ARHGAP15: variants seen among roughly 807,000 people sequenced by gnomAD.
ARHGAP15 encodes the protein Rho GTPase activating protein 15.
Under a neutral mutation model 63.7 loss-of-function variants are expected in ARHGAP15, and 51 were observed. The observed-to-expected ratio is 0.80, with a 90% CI of 0.64 to 1.01. The LOEUF is 1.01. Ranked by LOEUF, ARHGAP15 falls within the 50% of genes least tolerant of loss-of-function variation. The probability of loss-of-function intolerance (pLI) is 0.00; values close to 1 mark genes in which losing one functional copy is unlikely to be tolerated. For missense variants in ARHGAP15, 560 were observed against 564.6 expected (o/e 0.99, Z 0.08); for synonymous variants, 191 against 193.8 (o/e 0.99, Z 0.12).
chr2:143,240,436 T>A (rs537893813), intron 5 of ARHGAP15, among the ~76,000 whole-genome samples: 1 of 152,256 alleles, frequency 6.6e-6, no homozygotes, highest in Admixed American at 6.5e-5. Flanking sequence ...GCAAAATGAA[T>A]ATGGAATGAT....
intron 6 of ARHGAP15, among the ~76,000 whole-genome samples, chr2:143,433,840 A>G (rs530383099): frequency 1.3e-5 from 2 of 152,262 alleles, no homozygotes; most frequent in East Asian, 3.8e-4. Flanking sequence ...TGTGTATGTT[A>G]ACAAATTATG....
intron 1 of ARHGAP15, among the ~76,000 whole-genome samples, chr2:143,145,928 T>C (rs868072139): frequency 6.6e-6 from 1 of 151,232 alleles, no homozygotes; most frequent in African/African-American, 2.4e-5. Flanking sequence ...ATGGAATATA[T>C]ATATATCTCA....
intron 6 of ARHGAP15, among the ~76,000 whole-genome samples, chr2:143,419,150 G>A (rs1195911819): frequency 3.3e-5 from 5 of 150,624 alleles, no homozygotes; most frequent in African/African-American, 4.9e-5. Flanking sequence ...GAAATTCTAA[G>A]AAAAAAAAAC....
intron 4 of ARHGAP15, among the ~76,000 whole-genome samples, chr2:143,225,675 G>A (rs1693183642): frequency 1.3e-5 from 2 of 152,140 alleles, no homozygotes; most frequent in South Asian, 2.1e-4. Context: ...CAGATTATAG[G>A]TTTTGGAGCT....
chr2:143,173,774 A>G (rs1690897472), intron 2 of ARHGAP15, among the ~76,000 whole-genome samples: 1 of 152,098 alleles, frequency 6.6e-6, no homozygotes, highest in Non-Finnish European at 1.5e-5. Flanking sequence ...CAGTCTCTGG[A>G]CCAAGTTGTT....
intron 10 of ARHGAP15, among the ~76,000 whole-genome samples, chr2:143,539,541 A>G (rs1004059897): frequency 6.6e-6 from 1 of 151,186 alleles, no homozygotes; most frequent in Admixed American, 6.6e-5. Context: ...CCCCCTACGC[A>G]CTGCTTTGAA....
chr2:143,242,944 A>G (rs1222109537), intron 5 of ARHGAP15, among the ~76,000 whole-genome samples: 2 of 152,256 alleles, frequency 1.3e-5, no homozygotes, highest in African/African-American at 4.8e-5. Context: ...TGATAAGGAC[A>G]ATCTGAGTCT....
At chr2:143,174,858 A>G (rs1002675049) in intron 2 of ARHGAP15, among the ~76,000 whole-genome samples, 2 of 152,152 alleles carry the variant, frequency 1.3e-5, no homozygotes, top group South Asian at 4.1e-4. Context: ...ATACAAACAC[A>G]ATGTATCCCG....
chr2:143,473,341 C>A (rs1691667374), intron 8 of ARHGAP15, among the ~76,000 whole-genome samples: 1 of 152,198 alleles, frequency 6.6e-6, no homozygotes, highest in African/African-American at 2.4e-5. Context: ...GTGGCCTTTT[C>A]TTTTTTCTGC....
At chr2:143,701,709 A>G (rs946131323) in intron 12 of ARHGAP15, among the ~76,000 whole-genome samples, 2 of 152,204 alleles carry the variant, frequency 1.3e-5, no homozygotes, top group East Asian at 1.9e-4. Context: ...CAGGCTGCAC[A>G]GTAGAGCAAG....
At chr2:143,676,201 T>G (rs1197836901) in intron 12 of ARHGAP15, 1 of 152,338 alleles carries the variant, frequency 6.6e-6, no homozygotes, top group African/African-American at 2.4e-5. Context: ...CTGCTATGGA[T>G]TATGCTTTGG....
chr2:143,198,341 C>A (rs1691968395), intron 2 of ARHGAP15, among the ~76,000 whole-genome samples: 2 of 151,818 alleles, frequency 1.3e-5, no homozygotes, highest in African/African-American at 4.8e-5. Flanking sequence ...AAGTATGTGC[C>A]CAGTTTCTAT....
chr2:143,190,730 A>C (rs758349790), intron 2 of ARHGAP15, among the ~76,000 whole-genome samples: 15 of 152,208 alleles, frequency 9.9e-5, no homozygotes, highest in Admixed American at 2.6e-4. Flanking sequence ...GGCACTACCA[A>C]GTGATCAGCC....
In ARHGAP15 at chr2:143,192,564, A is replaced by G. The variant is rs115398114; in HGVS notation, c.166-9570A>G. On this transcript the variant is annotated intron_variant, in intron 2 of 13. Transcript: ENST00000295095. ...GTCTGTCTGCTGTCTGCTAACAAGC[A>G]TTCATATGCTTTGGATCATTAAAGT... 1.3e-3 allele frequency among the ~76,000 whole-genome samples: 191 copies of G among 152,370 alleles called. 1 individual carries two copies. Among genetic ancestry groups the G allele is most frequent in the African/African-American group, 4.4e-3 (184 of 41,596 alleles).
chr2:143,169,330 C>A (rs1690673449), intron 2 of ARHGAP15, among the ~76,000 whole-genome samples: 1 of 151,932 alleles, frequency 6.6e-6, no homozygotes, highest in Non-Finnish European at 1.5e-5. Context: ...CAGCCAGGCC[C>A]CCTTCATGGG....
chr2:143,263,680 A>C (rs1680849282), intron 6 of ARHGAP15, among the ~76,000 whole-genome samples: 1 of 152,094 alleles, frequency 6.6e-6, no homozygotes, highest in Non-Finnish European at 1.5e-5. Flanking sequence ...ATTCTTATGA[A>C]TCTTCTAACA....
chr2:143,765,132 TG>T (rs1686906020), intron 13 of ARHGAP15, among the ~76,000 whole-genome samples: 2 of 151,844 alleles, frequency 1.3e-5, no homozygotes, highest in Non-Finnish European at 2.9e-5. Context: ...TGTGTGTGTG[TG>T]TGTGTGTGTG....
chr2:143,573,276 A>C (rs1330973049), intron 11 of ARHGAP15, among the ~76,000 whole-genome samples: 9 of 152,220 alleles, frequency 5.9e-5, no homozygotes, highest in Non-Finnish European at 1.0e-4. Context: ...AAGGGCTTAA[A>C]GTTTCAAGGA....
intron 6 of ARHGAP15, among the ~76,000 whole-genome samples, chr2:143,253,827 T>C (rs1680286747): frequency 6.6e-6 from 1 of 151,908 alleles, no homozygotes; most frequent in Non-Finnish European, 1.5e-5. Flanking sequence ...AGCTTGACCT[T>C]AGGAAATAGA....
Sources: allele counts gnomAD v4.1 joint callset (sites outside exome capture counted in the v4.1 genomes callset), GRCh38; gene constraint gnomAD v4.1.1; transcripts MANE v1.5; gene names NCBI Gene and HGNC (gene_info 2026-07-23, HGNC 2026-07-21).